CNTNAP2: variants seen among roughly 807,000 people sequenced by gnomAD.
CNTNAP2 encodes contactin associated protein 2.
Under a neutral mutation model 155.2 loss-of-function variants are expected in CNTNAP2, and 98 were observed. The observed-to-expected ratio is 0.63, with a 90% confidence interval of 0.54 to 0.75. The LOEUF is 0.75. CNTNAP2 is among the 30% of genes least tolerant of loss of function. The pLI is 0.00. For synonymous variants in CNTNAP2, 651 were observed against 631.2 expected (o/e 1.03, Z -0.47); for missense variants, 1,727 against 1,688.1 (o/e 1.02, Z -0.40).
intron 13 of CNTNAP2, among the ~76,000 whole-genome samples, chr7:147,703,081 C>T (rs1037830790): frequency 6.6e-6 from 1 of 152,162 alleles, no homozygotes; most frequent in Admixed American, 6.6e-5. Context: ...GCAAGCCTGT[C>T]CTCTTCAGTT....
At chr7:146,582,774 G>T (rs1197733944) in intron 1 of CNTNAP2, among the ~76,000 whole-genome samples, 1 of 151,856 alleles carries the variant, frequency 6.6e-6, no homozygotes, top group Non-Finnish European at 1.5e-5. Context: ...AAGGCACAAT[G>T]AACCTTCCCT....
At chr7:147,343,502 G>A (rs928736705) in intron 9 of CNTNAP2, among the ~76,000 whole-genome samples, 1 of 151,690 alleles carries the variant, frequency 6.6e-6, no homozygotes, top group African/African-American at 2.4e-5. Context: ...TTTTACTTTG[G>A]GCACATCCTG....
At chr7:147,337,161 C>T (rs1002881214) in intron 9 of CNTNAP2, among the ~76,000 whole-genome samples, 2 of 152,074 alleles carry the variant, frequency 1.3e-5, no homozygotes, top group African/African-American at 4.8e-5. Flanking sequence ...TTCAGTGAAG[C>T]AATTTTATTA....
rs145489117 is a variant in CNTNAP2, at chr7:146,130,854, C to T, written c.97+13881C>T. On this transcript the variant is annotated intron_variant, in intron 1 of 23. Transcript: ENST00000361727. Reference sequence around the variant, plus strand: ...GCAGATGAGAGAGAAGAGCATGAAGCGGGAGGATCCCCACACTTAGGAAAC... The same window carrying T: ...GCAGATGAGAGAGAAGAGCATGAAGTGGGAGGATCCCCACACTTAGGAAAC... Among the ~76,000 whole-genome samples the T allele has an allele frequency of 4.9e-3, 750 of 152,160 alleles. 5 individuals carry two copies. Among genetic ancestry groups the T allele is most frequent in the African/African-American group, 0.017 (706 of 41,492 alleles).
At chr7:146,264,911 A>G (rs971725623) in intron 1 of CNTNAP2, among the ~76,000 whole-genome samples, 2 of 152,200 alleles carry the variant, frequency 1.3e-5, no homozygotes, top group African/African-American at 4.8e-5. Context: ...ATAAGATGTT[A>G]AAGGTTTGCC....
chr7:146,313,491 C>G (rs1185414638), intron 1 of CNTNAP2, among the ~76,000 whole-genome samples: 1 of 152,098 alleles, frequency 6.6e-6, no homozygotes, highest in Non-Finnish European at 1.5e-5. Context: ...TTCTTTAAAT[C>G]TGGTTTCTCT....
At chr7:148,266,155 TA>T (rs1387183648) in intron 20 of CNTNAP2, among the ~76,000 whole-genome samples, 3 of 152,236 alleles carry the variant, frequency 2.0e-5, no homozygotes, top group Admixed American at 6.5e-5. Flanking sequence ...TGCTTTCTTA[TA>T]ACCCGCACCT....
At chr7:146,450,101 A>G (rs1015281281) in intron 1 of CNTNAP2, among the ~76,000 whole-genome samples, 3 of 152,168 alleles carry the variant, frequency 2.0e-5, no homozygotes, top group African/African-American at 7.2e-5. Context: ...CTTTTCTAAA[A>G]AGCTTTTCTT....
chr7:146,237,016 A>T (rs930882594), intron 1 of CNTNAP2, among the ~76,000 whole-genome samples: 1 of 152,152 alleles, frequency 6.6e-6, no homozygotes, highest in African/African-American at 2.4e-5. Context: ...ACTTCTATAA[A>T]GGGAAAGTAC....
intron 14 of CNTNAP2, among the ~76,000 whole-genome samples, chr7:147,946,757 C>T (rs1341697427): frequency 1.3e-5 from 2 of 152,072 alleles, no homozygotes; most frequent in African/African-American, 4.8e-5. Context: ...TCTAGATTTA[C>T]AAAGAAGCAT....
chr7:146,483,324 T>TATATATATATATAC (rs1563101815), intron 1 of CNTNAP2, among the ~76,000 whole-genome samples: 2 of 83,790 alleles, frequency 2.4e-5, no homozygotes, highest in Non-Finnish European at 2.2e-5. Flanking sequence ...TATATATATA[T>TATATATATATATAC]ATATACATAT....
chr7:147,995,243 C>T (rs1256456444), intron 15 of CNTNAP2, among the ~76,000 whole-genome samples: 4 of 152,150 alleles, frequency 2.6e-5, no homozygotes. Flanking sequence ...ATTGTTTGTA[C>T]CAACAGTTCA....
At chr7:147,233,853 A>G (rs1156625524) in intron 8 of CNTNAP2, among the ~76,000 whole-genome samples, 1 of 152,086 alleles carries the variant, frequency 6.6e-6, no homozygotes. Flanking sequence ...TTGATTTACT[A>G]TCAGTCTTGA....
Position 148,143,441 on chromosome 7 carries a change from G to C in CNTNAP2, c.2555-4050G>C, listed in dbSNP as rs140839520. Among the ~76,000 whole-genome samples the C allele has an allele frequency of 5.9e-5, 9 of 152,290 alleles. No individual in the cohort carries two copies. The East Asian group carries it at 1.7e-3, about 29-fold the overall frequency. On this transcript the variant is annotated intron_variant, in intron 16 of 23. Transcript: ENST00000361727. ...TGCCTGTAATCCTAGCACACTGGGA[G>C]TCTGAGATGGGTGGATAGCTTGAGC...
chr7:147,498,815 A>G (rs1584772908), intron 11 of CNTNAP2, among the ~76,000 whole-genome samples: 3 of 152,144 alleles, frequency 2.0e-5, no homozygotes, highest in African/African-American at 4.8e-5. Flanking sequence ...TCATCACCCT[A>G]TGCTTCTCAT....
chr7:147,010,956 A>C (rs981052462), intron 3 of CNTNAP2, among the ~76,000 whole-genome samples: 5 of 152,086 alleles, frequency 3.3e-5, no homozygotes, highest in African/African-American at 1.2e-4. Flanking sequence ...GCATGTTATC[A>C]AAGTTAGTAT....
At chr7:146,860,670 G>A (rs917764253) in intron 3 of CNTNAP2, among the ~76,000 whole-genome samples, 6 of 151,920 alleles carry the variant, frequency 3.9e-5, no homozygotes, top group Non-Finnish European at 5.9e-5. Flanking sequence ...AGTTTAAAAT[G>A]TATTGTCTTA....
chr7:146,228,909 A>G (rs1216641545), intron 1 of CNTNAP2, among the ~76,000 whole-genome samples: 3 of 152,190 alleles, frequency 2.0e-5, no homozygotes, highest in Non-Finnish European at 4.4e-5. Context: ...AAAAATGAAC[A>G]TGATCTCTCT....
At chr7:148,251,567 G>A (rs1188168100) in intron 20 of CNTNAP2, among the ~76,000 whole-genome samples, 1 of 152,176 alleles carries the variant, frequency 6.6e-6, no homozygotes, top group African/African-American at 2.4e-5. Flanking sequence ...TGGGGTTTGG[G>A]CTCAATGCTC....
Sources: gnomAD v4.1 joint callset for allele counts (sites outside exome capture counted in the v4.1 genomes callset) on GRCh38, gnomAD v4.1.1 for gene constraint, MANE v1.5 for transcripts, NCBI Gene and HGNC (gene_info 2026-07-23, HGNC 2026-07-21) for gene names.